The following TENM2 variants were observed in gnomAD, a reference collection of about 807,000 sequenced individuals.
TENM2 encodes the protein teneurin-2.
Under a neutral mutation model 245.2 loss-of-function variants are expected in TENM2, and 52 were observed. The observed-to-expected ratio is 0.21, with a 90% confidence interval of 0.17 to 0.27. TENM2 has a LOEUF of 0.27. TENM2 is among the 10% of genes least tolerant of loss of function. The pLI is 1.00. For synonymous variants in TENM2, 1,363 were observed against 1,438.9 expected (o/e 0.95, Z 1.19); for missense variants, 3,046 against 3,666.8 (o/e 0.83, Z 4.37).
At chr5:167,511,045 T>G (rs1472497171) in intron 2 of TENM2, among the ~76,000 whole-genome samples, 2 of 152,200 alleles carry the variant, frequency 1.3e-5, no homozygotes, top group African/African-American at 4.8e-5. Flanking sequence ...CCCTTTCTTC[T>G]TCTACATTTT....
intron 6 of TENM2, among the ~76,000 whole-genome samples, chr5:168,058,764 C>T (rs1054909729): frequency 1.3e-5 from 2 of 152,188 alleles, no homozygotes; most frequent in Non-Finnish European, 2.9e-5. Flanking sequence ...AAGCCAGATG[C>T]TTTCCCACAT....
At chr5:167,679,824 A>G (rs1355657454) in intron 2 of TENM2, among the ~76,000 whole-genome samples, 7 of 152,184 alleles carry the variant, frequency 4.6e-5, no homozygotes, top group African/African-American at 1.2e-4. Context: ...CCTTCTTGCA[A>G]TGTTCACCTG....
the TENM2 span, among the ~76,000 whole-genome samples, chr5:167,274,172 T>A: frequency 0.63 from 96,212 of 151,928 alleles, 32,740 homozygotes; most frequent in Middle Eastern, 0.86. Flanking sequence ...CATACCCTTC[T>A]TAACCCTGAC....
At chr5:167,453,901 T>G (rs1254418770) in intron 2 of TENM2, among the ~76,000 whole-genome samples, 4 of 152,232 alleles carry the variant, frequency 2.6e-5, no homozygotes, top group Non-Finnish European at 5.9e-5. Context: ...TTTTAAAGTC[T>G]TCCTGCATTC....
chr5:167,226,156 T>A, the TENM2 span, among the ~76,000 whole-genome samples: 1 of 151,986 alleles, frequency 6.6e-6, no homozygotes, highest in Non-Finnish European at 1.5e-5. Flanking sequence ...TTTTGATTAA[T>A]TCTGCTCTGA....
At chr5:167,643,388 T>C (rs1210636335) in intron 2 of TENM2, among the ~76,000 whole-genome samples, 1 of 152,170 alleles carries the variant, frequency 6.6e-6, no homozygotes, top group Admixed American at 6.5e-5. Flanking sequence ...CGGTCGCTTG[T>C]GTCTAGATTA....
chr5:167,925,497 C>A (rs547862005), intron 3 of TENM2, among the ~76,000 whole-genome samples: 1 of 152,186 alleles, frequency 6.6e-6, no homozygotes, highest in African/African-American at 2.4e-5. Flanking sequence ...GCTTAAGACA[C>A]TGCTGGTGGG....
chr5:167,654,724 C>T (rs919077790), intron 2 of TENM2, among the ~76,000 whole-genome samples: 1 of 152,052 alleles, frequency 6.6e-6, no homozygotes, highest in Non-Finnish European at 1.5e-5. Flanking sequence ...ACTAATAGCT[C>T]TGCTAAGCAA....
At chr5:167,715,943 A>G (rs1759224927) in intron 2 of TENM2, among the ~76,000 whole-genome samples, 1 of 152,204 alleles carries the variant, frequency 6.6e-6, no homozygotes, top group African/African-American at 2.4e-5. Context: ...GATTTTTATG[A>G]AGAGGAAAAG....
chr5:167,314,699 T>C (rs1756250399), intron 1 of TENM2, among the ~76,000 whole-genome samples: 1 of 152,096 alleles, frequency 6.6e-6, no homozygotes, highest in Non-Finnish European at 1.5e-5. Flanking sequence ...ATTAAAATTA[T>C]ATTTTTAAAT....
intron 25 of TENM2, among the ~76,000 whole-genome samples, chr5:168,233,054 G>A (rs1210452755): frequency 1.3e-5 from 2 of 152,294 alleles, no homozygotes; most frequent in East Asian, 1.9e-4. Flanking sequence ...CAGGCCGGGC[G>A]TGGTGTCTCA....
the TENM2 span, among the ~76,000 whole-genome samples, chr5:167,165,520 A>G: frequency 1.5e-3 from 236 of 152,282 alleles, no homozygotes; most frequent in African/African-American, 5.5e-3. Context: ...GGGGACATCA[A>G]TGTTGATCAG....
chr5:167,084,344 T>TAC, the TENM2 span, among the ~76,000 whole-genome samples: 1 of 99,576 alleles, frequency 1.0e-5, no homozygotes, highest in African/African-American at 3.4e-5. Flanking sequence ...TATATATATA[T>TAC]ATATATATAT....
At chr5:167,752,659 C>T (rs969385935) in intron 2 of TENM2, among the ~76,000 whole-genome samples, 1 of 152,184 alleles carries the variant, frequency 6.6e-6, no homozygotes, top group South Asian at 2.1e-4. Context: ...TGGGAATATT[C>T]TAGCCCATGA....
At chr5:168,142,349 A>G (rs1274746915) in intron 12 of TENM2, among the ~76,000 whole-genome samples, 1 of 152,242 alleles carries the variant, frequency 6.6e-6, no homozygotes, top group Non-Finnish European at 1.5e-5. Flanking sequence ...TGCTCCTGGA[A>G]TGGCTTTACC....
chr5:168,060,435 C>CA (rs1401222269), intron 6 of TENM2, among the ~76,000 whole-genome samples: 1 of 151,884 alleles, frequency 6.6e-6, no homozygotes. Flanking sequence ...CAAAACAAAA[C>CA]AAAAGTTCAG....
intron 27 of TENM2, among the ~76,000 whole-genome samples, chr5:168,251,365 T>C (rs766553191): frequency 4.6e-5 from 7 of 152,212 alleles, no homozygotes. Context: ...CGGTGTTTCA[T>C]GGAGACTCAA....
intron 5 of TENM2, among the ~76,000 whole-genome samples, chr5:168,034,612 A>G (rs1301980271): frequency 6.6e-6 from 1 of 151,478 alleles, no homozygotes; most frequent in Non-Finnish European, 1.5e-5. Context: ...ATAAAAAATA[A>G]TAACTTTAAC....
intron 13 of TENM2, among the ~76,000 whole-genome samples, chr5:168,181,638 T>G (rs1353826582): frequency 6.6e-6 from 1 of 151,806 alleles, no homozygotes; most frequent in Non-Finnish European, 1.5e-5. Context: ...ACAGGTCTTC[T>G]TCCAGAAGGA....
Sources: allele counts gnomAD v4.1 joint callset (sites outside exome capture counted in the v4.1 genomes callset), GRCh38; gene constraint gnomAD v4.1.1; transcripts MANE v1.5; gene names NCBI Gene and HGNC (gene_info 2026-07-23, HGNC 2026-07-21).